The following MORC1 variants were observed in gnomAD, a reference collection of about 807,000 sequenced individuals.
MORC1 encodes MORC family CW-type zinc finger protein 1.
A neutral mutation model predicts 134.9 loss-of-function variants in MORC1; 59 were observed. That is an observed-to-expected ratio of 0.44 (90% CI 0.35 to 0.54). The LOEUF is 0.54. MORC1 is among the 20% of genes least tolerant of loss of function. The pLI is 0.00. For synonymous variants in MORC1, 395 were observed against 391.7 expected, an observed-to-expected ratio of 1.01 and a Z score of -0.10; for missense variants, 947 against 1,134.5, an observed-to-expected ratio of 0.83 and a Z score of 2.37.
rs745544811 is a variant in MORC1 at position 108,986,940 on chromosome 3, T to C, written c.2197A>G (p.Lys733Glu). 1.5e-5 allele frequency: 24 copies of C among 1,569,314 alleles called. No homozygotes were observed. Among genetic ancestry groups the C allele is most frequent in the Non-Finnish European group, 8.6e-6 (10 of 1,163,134 alleles). Residue 733 changes from lysine (K) to glutamate (E), a missense_variant, in exon 22 of 28, where the codon AAA becomes GAA. This residue lies in a region of MORC1 where 722 missense variants were observed against 817.0 expected (regional missense o/e 0.88). Coordinates refer to ENST00000232603, the MANE Select transcript of MORC1 (RefSeq NM_014429.4). ...TTCAATGAAACATCAGTGTTGCTTT[T>C]ATCTGAAACCTGAAAAACAAGCTCT... is the stretch of plus-strand genomic sequence containing the variant. The part of the protein sequence containing the change: ...SDSDIILVSD[K>E]SNTDVSLKQE...
chr3:109,010,728 T>A (rs1422464816), intron 17 of MORC1, among the ~76,000 whole-genome samples: 1 of 152,222 alleles, frequency 6.6e-6, no homozygotes. Flanking sequence ...ATTAGCTGTA[T>A]CTTCTGGAGT....
intron 8 of MORC1, among the ~76,000 whole-genome samples, chr3:109,081,192 A>G (rs1199665077): frequency 6.6e-6 from 1 of 152,210 alleles, no homozygotes; most frequent in African/African-American, 2.4e-5. Flanking sequence ...AAATGTTGAC[A>G]GATACAAGCT....
intron 17 of MORC1, among the ~76,000 whole-genome samples, chr3:109,024,256 A>G (rs1286245542): frequency 6.6e-6 from 1 of 152,248 alleles, no homozygotes; most frequent in African/African-American, 2.4e-5. Context: ...CAAAAAGGAA[A>G]TAAATTCCAA....
At chr3:109,070,156 C>T (rs1393184409) in intron 8 of MORC1, among the ~76,000 whole-genome samples, 1 of 152,162 alleles carries the variant, frequency 6.6e-6, no homozygotes, top group Non-Finnish European at 1.5e-5. Context: ...GAATAAAAAG[C>T]ATTCCCATTA....
chr3:108,971,685 T>C (rs1947384545), intron 24 of MORC1, among the ~76,000 whole-genome samples: 1 of 152,092 alleles, frequency 6.6e-6, no homozygotes, highest in Non-Finnish European at 1.5e-5. Flanking sequence ...ATCCTGATTG[T>C]GATTCTGTTC....
At chr3:109,036,120 A>T (rs547059140) in intron 14 of MORC1, among the ~76,000 whole-genome samples, 31 of 152,184 alleles carry the variant, frequency 2.0e-4, no homozygotes, top group Non-Finnish European at 4.4e-4. Context: ...GCATTGCTCG[A>T]CTAGTAAAAA....
At chr3:109,021,562 G>T (rs545923913) in intron 17 of MORC1, among the ~76,000 whole-genome samples, 1 of 152,204 alleles carries the variant, frequency 6.6e-6, no homozygotes, top group Non-Finnish European at 1.5e-5. Flanking sequence ...TGAAACCCAG[G>T]AGTAGACAAC....
chr3:108,958,797 G>A lies in MORC1; in HGVS notation c.*168C>T. 2.8e-6 allele frequency: 1 copy of A among 363,600 alleles called. No individual in the cohort carries two copies. Among genetic ancestry groups the A allele is most frequent in the Non-Finnish European group, 4.9e-6 (1 of 205,168 alleles). The allele number at this position is 363,600 out of a possible 1,614,324, so 22.5% of individuals were successfully genotyped here. On this transcript the variant is annotated 3_prime_UTR_variant, in exon 28 of 28. Transcript: ENST00000232603. ...TAGGGAATACATAAATTGTAAATCGGTCTCCATTTCTAGAGTACACAATTT... is the reference window on the plus strand; with the variant it reads ...TAGGGAATACATAAATTGTAAATCGATCTCCATTTCTAGAGTACACAATTT...
At chr3:109,060,865 T>C (rs942976026) in intron 11 of MORC1, among the ~76,000 whole-genome samples, 10 of 152,074 alleles carry the variant, frequency 6.6e-5, no homozygotes, top group Admixed American at 6.6e-4. Context: ...CCCATTAGTC[T>C]TTTTCTGGAC....
At chr3:109,097,965 T>G (rs1950857745) in intron 6 of MORC1, among the ~76,000 whole-genome samples, 1 of 151,652 alleles carries the variant, frequency 6.6e-6, no homozygotes, top group African/African-American at 2.4e-5. Flanking sequence ...AAATCCTCTT[T>G]TATAGTGGGA....
At chr3:109,028,491 T>G (rs757463176) in intron 16 of MORC1, among the ~76,000 whole-genome samples, 1 of 152,160 alleles carries the variant, frequency 6.6e-6, no homozygotes, top group Non-Finnish European at 1.5e-5. Context: ...AGTATCTGCT[T>G]TCCAGCCTTA....
intron 3 of MORC1, among the ~76,000 whole-genome samples, chr3:109,105,678 CAA>C (rs5851645): frequency 2.4e-3 from 317 of 131,328 alleles, no homozygotes; most frequent in Middle Eastern, 7.9e-3. Flanking sequence ...GACCCTGTCT[CAA>C]AAAAAAAAAA....
At chr3:109,002,460 T>C (rs1171591817) in intron 20 of MORC1, among the ~76,000 whole-genome samples, 3 of 152,208 alleles carry the variant, frequency 2.0e-5, no homozygotes, top group African/African-American at 4.8e-5. Context: ...AAGACAGATA[T>C]AGCAGTGGGG....
At chr3:109,007,955 G>A (rs1272204385) in intron 17 of MORC1, among the ~76,000 whole-genome samples, 1 of 152,066 alleles carries the variant, frequency 6.6e-6, no homozygotes, top group Non-Finnish European at 1.5e-5. Context: ...GTGTGTGTGT[G>A]TGTGTGTGTA....
At chr3:109,061,848 T>G (rs768537489) in intron 11 of MORC1, 140 bp downstream of exon 11, 56 of 782,784 alleles carry the variant, frequency 7.2e-5, no homozygotes, top group Non-Finnish European at 1.0e-4. Context: ...TCTGTTTACC[T>G]GAGTTAAAAT....
chr3:109,095,007 T>C lies in MORC1; in HGVS notation c.485A>G (p.Gln162Arg). ...TATAGATAATTCCATTGCAAATTTCTGGGGATCATCTGTGACAGATTCTCT... is the reference window on the plus strand; with the variant it reads ...TATAGATAATTCCATTGCAAATTTCCGGGGATCATCTGTGACAGATTCTCT... ...RTRESVTDDPQKFAMELSIIY... is the reference protein window; with the variant it reads ...RTRESVTDDPRKFAMELSIIY... The change falls in exon 7 of 28, where the codon CAG becomes CGG. Residue 162 changes from glutamine (Q) to arginine (R), a missense_variant. By Grantham distance (43) the Gln-to-Arg change is conservative. Coordinates refer to ENST00000232603, the MANE Select transcript of MORC1 (RefSeq NM_014429.4). The C allele has an allele frequency of 6.3e-7, 1 of 1,593,884 alleles. No individual in the cohort carries two copies. Among genetic ancestry groups the C allele is most frequent in the Non-Finnish European group, 8.5e-7 (1 of 1,174,162 alleles).
At chr3:108,987,012 A>G in intron 21 of MORC1, 63 bp from the exon 22 acceptor site, 3 of 1,250,480 alleles carry the variant, frequency 2.4e-6, no homozygotes, top group East Asian at 2.5e-5. Context: ...AAACTTGACA[A>G]AAGACCTTGA....
chr3:109,068,729 G>C (rs909427969), intron 9 of MORC1, among the ~76,000 whole-genome samples: 1 of 152,180 alleles, frequency 6.6e-6, no homozygotes. Flanking sequence ...CAAACTCACA[G>C]AAAAATCTGA....
At chr3:109,113,610 A>G (rs1282487026) in intron 2 of MORC1, among the ~76,000 whole-genome samples, 1 of 152,192 alleles carries the variant, frequency 6.6e-6, no homozygotes, top group Non-Finnish European at 1.5e-5. Flanking sequence ...GGTAGGAAAA[A>G]ATCTTCTGTT....
Sources: allele counts gnomAD v4.1 joint callset (sites outside exome capture counted in the v4.1 genomes callset), GRCh38; gene constraint gnomAD v4.1.1; regional missense constraint gnomAD v4.1.1; transcripts MANE v1.5; gene names NCBI Gene and HGNC (gene_info 2026-07-23, HGNC 2026-07-21).